DNAH8: variants seen among roughly 807,000 people sequenced by gnomAD.
The protein encoded by DNAH8 is dynein axonemal heavy chain 8, also known as axonemal beta dynein heavy chain 8.
DNAH8 carries 382 observed loss-of-function variants against 562.1 expected under a neutral mutation model. The observed-to-expected ratio is 0.68, with a 90% confidence interval of 0.63 to 0.74. DNAH8 has a LOEUF of 0.74. DNAH8 is among the 30% of genes least tolerant of loss of function. The probability of loss-of-function intolerance (pLI) is 0.00; values close to 1 mark genes in which losing one functional copy is unlikely to be tolerated. For synonymous variants in DNAH8, 1,881 were observed against 1,919.4 expected (o/e 0.98, Z 0.52); for missense variants, 5,203 against 5,620.4 (o/e 0.93, Z 2.37).
At chr6:38,718,172 G>C (rs1264114061) in intron 1 of DNAH8, among the ~76,000 whole-genome samples, 3 of 152,112 alleles carry the variant, frequency 2.0e-5, no homozygotes, top group Admixed American at 2.0e-4. Context: ...CCAAGGTGTG[G>C]GTATGTGTCT....
chr6:38,930,960 T>G (rs758297285), intron 75 of DNAH8, among the ~76,000 whole-genome samples: 4 of 152,136 alleles, frequency 2.6e-5, no homozygotes, highest in Non-Finnish European at 5.9e-5. Flanking sequence ...TCTGCTTCTA[T>G]GAGTTTGACT....
At chr6:38,919,211 T>C (rs1781519301) in intron 70 of DNAH8, among the ~76,000 whole-genome samples, 1 of 152,172 alleles carries the variant, frequency 6.6e-6, no homozygotes, top group Non-Finnish European at 1.5e-5. Context: ...AGCATAAAAT[T>C]GTATAAACCA....
At chr6:38,926,845 A>G (rs1782163356) in intron 74 of DNAH8, among the ~76,000 whole-genome samples, 1 of 152,156 alleles carries the variant, frequency 6.6e-6, no homozygotes, top group Non-Finnish European at 1.5e-5. Context: ...TAAAAATCTC[A>G]GATATTCTTC....
At chr6:38,927,743 AT>A (rs1305916671) in intron 74 of DNAH8, among the ~76,000 whole-genome samples, 1 of 151,968 alleles carries the variant, frequency 6.6e-6, no homozygotes, top group Non-Finnish European at 1.5e-5. Context: ...GAATGCTGCT[AT>A]TTTTTCTGAT....
chr6:38,909,751 G>A lies in DNAH8; in HGVS notation c.9740+7G>A. Reference sequence around the variant, plus strand: ...GTGAAAGTTATTTCCAAAGGTAAGTGATATTACATAAGCACCATCGCTATG... The same window carrying A: ...GTGAAAGTTATTTCCAAAGGTAAGTAATATTACATAAGCACCATCGCTATG... On this transcript the variant is annotated splice_region_variant and intron_variant, in intron 65 of 92. Coordinates refer to ENST00000327475, the MANE Select transcript of DNAH8 (RefSeq NM_001206927.2). 3 of 1,608,840 alleles carry A rather than the reference G, an allele frequency of 1.9e-6. No individual in the cohort carries two copies. Among genetic ancestry groups the A allele is most frequent in the Non-Finnish European group, 2.6e-6 (3 of 1,175,372 alleles).
At chr6:38,780,177 G>C in intron 15 of DNAH8, 112 bp downstream of exon 15, 1 of 1,046,326 alleles carries the variant, frequency 9.6e-7, no homozygotes, top group Non-Finnish European at 1.4e-6. Context: ...TTCTTTCTCT[G>C]CTAAGGAGCA....
At chr6:38,715,954 A>ATTTTTTTT (rs1410399802) in intron 1 of DNAH8, among the ~76,000 whole-genome samples, 3 of 37,526 alleles carry the variant, frequency 8.0e-5, no homozygotes, top group African/African-American at 3.4e-4. Context: ...ATATATATAT[A>ATTTTTTTT]TATATATTTT....
chr6:38,848,070 G>C (rs933131994), intron 36 of DNAH8, among the ~76,000 whole-genome samples: 2 of 152,168 alleles, frequency 1.3e-5, no homozygotes, highest in Admixed American at 1.3e-4. Flanking sequence ...GACTCTGGCT[G>C]TGCGGTCATC....
chr6:38,778,733 C>T (rs1268360085), intron 14 of DNAH8, among the ~76,000 whole-genome samples: 1 of 152,046 alleles, frequency 6.6e-6, no homozygotes, highest in Non-Finnish European at 1.5e-5. Flanking sequence ...CCAGCCATGT[C>T]ATATGTTTGG....
At chr6:38,944,400 A>C (rs974773701) in intron 79 of DNAH8, among the ~76,000 whole-genome samples, 2 of 152,166 alleles carry the variant, frequency 1.3e-5, no homozygotes, top group Non-Finnish European at 2.9e-5. Context: ...AGATGGGGAG[A>C]GCAAAGACCT....
intron 9 of DNAH8, among the ~76,000 whole-genome samples, chr6:38,753,216 T>C (rs1407716971): frequency 6.6e-6 from 1 of 152,216 alleles, no homozygotes. Flanking sequence ...TACTATTTCT[T>C]AGGTATTTCT....
At chr6:38,932,312 CAA>C (rs1002954206) in intron 76 of DNAH8, among the ~76,000 whole-genome samples, 4 of 151,704 alleles carry the variant, frequency 2.6e-5, no homozygotes, top group African/African-American at 9.7e-5. Context: ...ATCAATAAAA[CAA>C]TGATTGAGAG....
At chr6:38,740,306 T>A (rs926242213) in intron 7 of DNAH8, among the ~76,000 whole-genome samples, 1 of 152,244 alleles carries the variant, frequency 6.6e-6, no homozygotes, top group Non-Finnish European at 1.5e-5. Flanking sequence ...CTGCCATCTT[T>A]GTATAATTGA....
In DNAH8 at chr6:38,868,206, C is replaced by A. The variant is rs1341887992; in HGVS notation, c.6828+10C>A. 9 of 1,594,096 alleles carry A rather than the reference C, an allele frequency of 5.6e-6. No individual in the cohort carries two copies. The African/African-American group carries it at 1.1e-4, about 19-fold the overall frequency. On this transcript the variant is annotated intron_variant, in intron 48 of 92. Coordinates refer to ENST00000327475, the MANE Select transcript of DNAH8 (RefSeq NM_001206927.2). Reference sequence around the variant, plus strand: ...GAACCTTTCCAAACTGGTATCTTCTCTGAATTCTCTTCTTTTCCACAATTT... The same window carrying A: ...GAACCTTTCCAAACTGGTATCTTCTATGAATTCTCTTCTTTTCCACAATTT...
chr6:38,862,570 A>T (rs1258394485), intron 44 of DNAH8, 112 bp downstream of exon 44: 2 of 1,280,042 alleles, frequency 1.6e-6, no homozygotes, highest in African/African-American at 3.0e-5. Flanking sequence ...CTACATTAGT[A>T]TGGGTTGATC....
intron 21 of DNAH8, among the ~76,000 whole-genome samples, chr6:38,793,679 C>T (rs915668868): frequency 2.6e-5 from 4 of 151,930 alleles, no homozygotes; most frequent in African/African-American, 9.7e-5. Flanking sequence ...ACTCCCTGCC[C>T]TCTTTTTAAA....
intron 82 of DNAH8, among the ~76,000 whole-genome samples, chr6:38,967,249 T>C (rs944842739): frequency 1.3e-5 from 2 of 152,116 alleles, no homozygotes; most frequent in Non-Finnish European, 2.9e-5. Context: ...CTCTTACGAC[T>C]TTTATTCAGC....
rs1438532157 is a variant in DNAH8 at position 38,900,656 on chromosome 6, C to T, written c.9194+750C>T. ...TTTTTGAAATGTAGTCTTGCTCTGT[C>T]GCCCAGGCTGGAGTGCAATGGCATG... On this transcript the variant is annotated intron_variant, in intron 62 of 92. Transcript: ENST00000327475. Among the ~76,000 whole-genome samples the T allele has an allele frequency of 8.6e-5, 13 of 150,798 alleles. No homozygotes were observed. In the East Asian group the frequency reaches 2.5e-3, roughly 29 times the overall value.
intron 57 of DNAH8, among the ~76,000 whole-genome samples, chr6:38,887,799 T>TA (rs1779056608): frequency 6.6e-6 from 1 of 150,928 alleles, no homozygotes. Context: ...TTATTTGATA[T>TA]AGCAAGTACT....
Sources: gnomAD v4.1 joint callset for allele counts (sites outside exome capture counted in the v4.1 genomes callset) on GRCh38, gnomAD v4.1.1 for gene constraint, MANE v1.5 for transcripts, NCBI Gene and HGNC (gene_info 2026-07-23, HGNC 2026-07-21) for gene names.